KCNN3: variants seen among roughly 807,000 people sequenced by gnomAD.
The protein encoded by KCNN3 is potassium calcium-activated channel subfamily N member 3, also known as small conductance calcium-activated potassium channel protein 3.
KCNN3 carries 16 observed loss-of-function variants against 62.9 expected under a neutral mutation model. The ratio of observed to expected loss-of-function variants is 0.25; its 90% CI spans 0.17 to 0.39. The LOEUF (loss-of-function observed/expected upper bound fraction) is 0.39, where lower values mean the gene tolerates loss of function less well. Among genes scored for constraint, KCNN3 ranks in the 10% least tolerant of loss-of-function variants. The pLI, the probability that KCNN3 is intolerant of heterozygous loss-of-function variation, is 1.00. For missense variants in KCNN3, 599 were observed against 949.4 expected, an observed-to-expected ratio of 0.63 and a Z score of 4.85; for synonymous variants, 370 against 389.2, an observed-to-expected ratio of 0.95 and a Z score of 0.58.
chr1:154,745,989 G>T (rs148661329), intron 3 of KCNN3, among the ~76,000 whole-genome samples: 21 of 152,274 alleles, frequency 1.4e-4, no homozygotes, highest in South Asian at 2.1e-4. Context: ...TGTGGCCTAG[G>T]GAAGGCGCTT....
chr1:154,845,213 C>T (rs560373293), intron 1 of KCNN3, among the ~76,000 whole-genome samples: 1 of 152,312 alleles, frequency 6.6e-6, no homozygotes, highest in East Asian at 1.9e-4. Context: ...CAACACAGCC[C>T]TCCTGGAAGC....
At chr1:154,761,660 C>T (rs1402529174) in intron 3 of KCNN3, among the ~76,000 whole-genome samples, 1 of 152,048 alleles carries the variant, frequency 6.6e-6, no homozygotes, top group Non-Finnish European at 1.5e-5. Context: ...ATTTTTAGGC[C>T]GGGCGCGGTG....
At chr1:154,729,891 T>TG (rs1196399234) in intron 4 of KCNN3, among the ~76,000 whole-genome samples, 1 of 152,224 alleles carries the variant, frequency 6.6e-6, no homozygotes, top group Non-Finnish European at 1.5e-5. Flanking sequence ...ATGAGGCCAT[T>TG]GGGGAAAAGC....
chr1:154,817,122 T>A (rs1026313287), intron 2 of KCNN3, among the ~76,000 whole-genome samples: 1 of 152,204 alleles, frequency 6.6e-6, no homozygotes, highest in Non-Finnish European at 1.5e-5. Flanking sequence ...CCCTTTCTGG[T>A]AGGTACTGGT....
At chr1:154,722,257 C>G (rs1374912949) in intron 5 of KCNN3, among the ~76,000 whole-genome samples, 1 of 152,102 alleles carries the variant, frequency 6.6e-6, no homozygotes, top group Admixed American at 6.5e-5. Context: ...CGGTAAGAGA[C>G]TGCTTTTATC....
chr1:154,835,987 C>A (rs1390294845), intron 1 of KCNN3, among the ~76,000 whole-genome samples: 1 of 152,164 alleles, frequency 6.6e-6, no homozygotes, highest in East Asian at 1.9e-4. Context: ...TCAGATAGCC[C>A]CATGGCCAGG....
intron 3 of KCNN3, among the ~76,000 whole-genome samples, chr1:154,758,123 C>A (rs904512495): frequency 6.6e-6 from 1 of 152,100 alleles, no homozygotes; most frequent in Non-Finnish European, 1.5e-5. Context: ...CAATATTAAC[C>A]AATAATAGGA....
chr1:154,838,581 G>A (rs1420704768), intron 1 of KCNN3, among the ~76,000 whole-genome samples: 1 of 152,170 alleles, frequency 6.6e-6, no homozygotes, highest in African/African-American at 2.4e-5. Flanking sequence ...TGTGCTTGCT[G>A]GGCCGGGAAC....
At chr1:154,843,598 G>A (rs536040008) in intron 1 of KCNN3, among the ~76,000 whole-genome samples, 1 of 152,316 alleles carries the variant, frequency 6.6e-6, no homozygotes, top group South Asian at 2.1e-4. Flanking sequence ...AGGTTAGCGA[G>A]TATGCAGGGA....
intron 3 of KCNN3, among the ~76,000 whole-genome samples, chr1:154,737,861 G>T (rs1185911869): frequency 6.6e-6 from 1 of 152,216 alleles, no homozygotes; most frequent in South Asian, 2.1e-4. Flanking sequence ...GGTTGAGGCT[G>T]CAGTGAGCTA....
At chr1:154,813,225 TTTTTTTG>T (rs992715588) in intron 2 of KCNN3, among the ~76,000 whole-genome samples, 12 of 133,564 alleles carry the variant, frequency 9.0e-5, no homozygotes, top group African/African-American at 3.4e-4. Context: ...TTTTTTTTTT[TTTTTTTG>T]AACATTTTCA....
chr1:154,784,460 A>G (rs1649190471), intron 2 of KCNN3, among the ~76,000 whole-genome samples: 1 of 151,690 alleles, frequency 6.6e-6, no homozygotes, highest in Non-Finnish European at 1.5e-5. Context: ...CTGTACAAGC[A>G]CTCCCTCTTC....
intron 2 of KCNN3, among the ~76,000 whole-genome samples, chr1:154,793,423 G>T (rs1236923034): frequency 6.6e-6 from 1 of 152,162 alleles, no homozygotes; most frequent in Non-Finnish European, 1.5e-5. Context: ...GATGTCGGGG[G>T]CATGGGAGGG....
intron 2 of KCNN3, among the ~76,000 whole-genome samples, chr1:154,801,192 C>T (rs569926288): frequency 6.6e-6 from 1 of 152,104 alleles, no homozygotes; most frequent in Admixed American, 6.5e-5. Context: ...CCTGGAAAGC[C>T]CTGCTTCTTT....
chr1:154,833,956 A>G (rs545808391), intron 1 of KCNN3, among the ~76,000 whole-genome samples: 1 of 152,384 alleles, frequency 6.6e-6, no homozygotes, highest in East Asian at 1.9e-4. Context: ...TTGGCATGGA[A>G]CTATTGGCAT....
At chr1:154,781,637 G>C (rs1414583837) in intron 2 of KCNN3, among the ~76,000 whole-genome samples, 1 of 152,234 alleles carries the variant, frequency 6.6e-6, no homozygotes. Context: ...GTTGTAAGGA[G>C]AGACAAGGTG....
At chr1:154,759,374 AAAC>A (rs1399551566) in intron 3 of KCNN3, among the ~76,000 whole-genome samples, 4 of 152,242 alleles carry the variant, frequency 2.6e-5, no homozygotes, top group Non-Finnish European at 5.9e-5. Context: ...GGGGCAAACA[AAAC>A]AACCCCAAAG....
At chr1:154,742,816 T>A (rs1489156638) in intron 3 of KCNN3, among the ~76,000 whole-genome samples, 12 of 152,228 alleles carry the variant, frequency 7.9e-5, no homozygotes, top group Admixed American at 7.9e-4. Context: ...TAGAGGTATG[T>A]CACAGCCTCT....
intron 2 of KCNN3, among the ~76,000 whole-genome samples, chr1:154,790,183 G>T (rs773802128): frequency 4.7e-4 from 72 of 152,078 alleles, no homozygotes; most frequent in Non-Finnish European, 7.9e-4. Flanking sequence ...TGCCCGCCTC[G>T]GCCTCCCAAA....
Sources: gnomAD v4.1 joint callset for allele counts (sites outside exome capture counted in the v4.1 genomes callset) on GRCh38, gnomAD v4.1.1 for gene constraint, MANE v1.5 for transcripts, NCBI Gene and HGNC (gene_info 2026-07-23, HGNC 2026-07-21) for gene names.